TDRD5: variants seen among roughly 807,000 people sequenced by gnomAD.
The protein encoded by TDRD5 is tudor domain-containing protein 5.
Under a neutral mutation model 120.6 loss-of-function variants are expected in TDRD5, and 41 were observed. The observed-to-expected ratio is 0.34, with a 90% CI of 0.26 to 0.44. TDRD5 has a LOEUF of 0.44. TDRD5 is among the 20% of genes least tolerant of loss of function. TDRD5 has a pLI of 1.00. For synonymous variants in TDRD5, 430 were observed against 433.7 expected, an observed-to-expected ratio of 0.99 and a Z score of 0.11; for missense variants, 1,006 against 1,221.2, an observed-to-expected ratio of 0.82 and a Z score of 2.63.
At chr1:179,593,392 CAG>C in intron 2 of TDRD5, 66 bp from the exon 3 acceptor site, 1 of 1,500,508 alleles carries the variant, frequency 6.7e-7, no homozygotes, top group Admixed American at 2.0e-5. Context: ...TGTATAAACA[CAG>C]ATACTAAGGA....
chr1:179,592,942 G>C, intron 2 of TDRD5, 95 bp downstream of exon 2: 1 of 1,267,624 alleles, frequency 7.9e-7, no homozygotes, highest in Non-Finnish European at 1.1e-6. Flanking sequence ...ATGCATCCCA[G>C]CCAGTGGATT....
At chr1:179,685,871 G>C (rs140233944) in intron 17 of TDRD5, among the ~76,000 whole-genome samples, 2,615 of 152,280 alleles carry the variant, frequency 0.017, 54 homozygotes, top group African/African-American at 0.059. Context: ...AGTAATGCTT[G>C]TGATTTTTGC....
At chr1:179,690,456 C>T (rs1034875339) in intron 17 of TDRD5, among the ~76,000 whole-genome samples, 3 of 152,184 alleles carry the variant, frequency 2.0e-5, no homozygotes, top group Non-Finnish European at 4.4e-5. Flanking sequence ...GGTATATTTT[C>T]CCTCTCTCAC....
chr1:179,617,138 C>T (rs1676602294), intron 4 of TDRD5, among the ~76,000 whole-genome samples: 1 of 152,172 alleles, frequency 6.6e-6, no homozygotes, highest in Non-Finnish European at 1.5e-5. Context: ...ATCTAATCCT[C>T]TCCTTCCCAG....
At chr1:179,636,732 G>C (rs1677782455) in intron 9 of TDRD5, among the ~76,000 whole-genome samples, 1 of 152,170 alleles carries the variant, frequency 6.6e-6, no homozygotes, top group South Asian at 2.1e-4. Flanking sequence ...AAAGTATTTA[G>C]TATTGGGAAG....
intron 14 of TDRD5, among the ~76,000 whole-genome samples, chr1:179,658,168 CT>C (rs1679103986): frequency 6.6e-6 from 1 of 152,110 alleles, no homozygotes; most frequent in Non-Finnish European, 1.5e-5. Flanking sequence ...AGATTTCCTT[CT>C]TTTTAAAGGT....
At chr1:179,657,728 G>GT (rs969682569) in intron 14 of TDRD5, among the ~76,000 whole-genome samples, 1 of 151,750 alleles carries the variant, frequency 6.6e-6, no homozygotes, top group Non-Finnish European at 1.5e-5. Context: ...TATTTTCTTA[G>GT]TTTTTTTAAT....
intron 4 of TDRD5, among the ~76,000 whole-genome samples, chr1:179,615,984 A>G (rs1382886265): frequency 6.6e-6 from 1 of 152,142 alleles, no homozygotes; most frequent in Non-Finnish European, 1.5e-5. Context: ...TGAATGAGTG[A>G]ATATGGCTGT....
intron 6 of TDRD5, 131 bp from the exon 7 acceptor site, chr1:179,630,636 T>C: frequency 1.2e-6 from 1 of 864,584 alleles, no homozygotes; most frequent in Non-Finnish European, 1.7e-6. Flanking sequence ...GGTATGGAAG[T>C]GAGCCTTTAC....
At chr1:179,667,299 A>C (rs994391366) in intron 16 of TDRD5, among the ~76,000 whole-genome samples, 1 of 152,238 alleles carries the variant, frequency 6.6e-6, no homozygotes, top group Admixed American at 6.5e-5. Flanking sequence ...GATGCATTTA[A>C]ATATGTGTCA....
intron 17 of TDRD5, among the ~76,000 whole-genome samples, chr1:179,680,260 G>GACTATGTATATACATCAGACT (rs1680352597): frequency 6.6e-6 from 1 of 152,096 alleles, no homozygotes; most frequent in Non-Finnish European, 1.5e-5. Context: ...ACTTTAGAAC[G>GACTATGTATATACATCAGACT]ATGTATATAG....
At chr1:179,594,019 T>C in intron 3 of TDRD5, 152 bp downstream of exon 3, 1 of 973,642 alleles carries the variant, frequency 1.0e-6, no homozygotes, top group Non-Finnish European at 1.4e-6. Flanking sequence ...AAGCCTTAGT[T>C]TTCCTCATCT....
chr1:179,597,631 A>G (rs75307524), intron 4 of TDRD5, among the ~76,000 whole-genome samples: 2,144 of 152,186 alleles, frequency 0.014, 32 homozygotes, highest in Non-Finnish European at 0.019. Context: ...CGCCTGGCCC[A>G]TATTTTTCTT....
chr1:179,681,921 A>T (rs1230853722), intron 17 of TDRD5, among the ~76,000 whole-genome samples: 1 of 21,328 alleles, frequency 4.7e-5, no homozygotes, highest in African/African-American at 1.8e-4. Flanking sequence ...TTTCTAATTC[A>T]GTGTGTTTTT....
intron 11 of TDRD5, among the ~76,000 whole-genome samples, chr1:179,649,881 T>G (rs529103438): frequency 1.3e-5 from 2 of 152,326 alleles, no homozygotes; most frequent in South Asian, 4.1e-4. Context: ...CTGCCAGATA[T>G]CTGGAAATAT....
chr1:179,676,935 A>G (rs964099556), intron 17 of TDRD5, among the ~76,000 whole-genome samples: 1 of 152,172 alleles, frequency 6.6e-6, no homozygotes, highest in Non-Finnish European at 1.5e-5. Flanking sequence ...TATTCCCTCA[A>G]ATATGTTTTC....
chr1:179,668,555 T>C (rs571692601), intron 16 of TDRD5, among the ~76,000 whole-genome samples: 16 of 152,298 alleles, frequency 1.1e-4, no homozygotes, highest in Admixed American at 9.2e-4. Context: ...AACCTAGCAC[T>C]GTGCCCGACA....
chr1:179,654,908 G>T (rs1378469643), intron 14 of TDRD5, among the ~76,000 whole-genome samples: 1 of 152,102 alleles, frequency 6.6e-6, no homozygotes, highest in African/African-American at 2.4e-5. Context: ...TGGTCTTCAA[G>T]AATTATACAG....
intron 2 of TDRD5, 22 bp downstream of exon 2, chr1:179,592,869 G>C (rs752321449): frequency 6.2e-7 from 1 of 1,601,452 alleles, no homozygotes; most frequent in African/African-American, 1.3e-5. Context: ...ATTTTTGAAG[G>C]TCTATAAACT....
Sources: allele counts gnomAD v4.1 joint callset (sites outside exome capture counted in the v4.1 genomes callset), GRCh38; gene constraint gnomAD v4.1.1; transcripts MANE v1.5; gene names NCBI Gene and HGNC (gene_info 2026-07-23, HGNC 2026-07-21).